MDGA1: variants seen among roughly 807,000 people sequenced by gnomAD.
The protein encoded by MDGA1 is MAM domain containing glycosylphosphatidylinositol anchor 1.
MDGA1 carries 54 observed loss-of-function variants against 101.5 expected under a neutral mutation model. The observed-to-expected ratio is 0.53, with a 90% CI of 0.43 to 0.67. The LOEUF (loss-of-function observed/expected upper bound fraction) is 0.67. MDGA1 is among the 30% of genes least tolerant of loss of function. The probability of loss-of-function intolerance (pLI) is 0.00; values close to 1 mark genes in which losing one functional copy is unlikely to be tolerated. For missense variants in MDGA1, 1,083 were observed against 1,323.8 expected (o/e 0.82, Z 2.82); for synonymous variants, 533 against 558.3 (o/e 0.95, Z 0.64).
chr6:37,635,414 T>C lies in MDGA1; in HGVS notation c.*1954A>G, dbSNP rs1404560588. 2.5e-6 allele frequency: 1 copy of C among 398,352 alleles called. No homozygotes were observed. The highest frequency in any genetic ancestry group is 4.4e-6 in the Non-Finnish European group (1 of 226,116). 24.7% of individuals were successfully genotyped at this position (398,352 alleles called of 1,614,324 possible). A position where few individuals can be genotyped will look rare whatever the true frequency, so the allele number is the denominator to read the frequency against. Reference sequence around the variant, plus strand: ...CACAGATGGGACAGTTAAGGAACAATACCCGACAGACGCGATGGAAGTGTA... The same window carrying C: ...CACAGATGGGACAGTTAAGGAACAACACCCGACAGACGCGATGGAAGTGTA... On this transcript the variant is annotated 3_prime_UTR_variant, in exon 17 of 17. Coordinates refer to ENST00000434837, the MANE Select transcript of MDGA1 (RefSeq NM_153487.4).
chr6:37,664,600 T>C (rs147686095), intron 1 of MDGA1, among the ~76,000 whole-genome samples: 19 of 118,198 alleles, frequency 1.6e-4, no homozygotes, highest in South Asian at 3.0e-4. Context: ...TCCCCCACAA[T>C]ACACACACAC....
chr6:37,684,951 A>T (rs1291799672), intron 1 of MDGA1, among the ~76,000 whole-genome samples: 2 of 152,122 alleles, frequency 1.3e-5, no homozygotes, highest in East Asian at 3.9e-4. Context: ...CCCCATCTCT[A>T]TCTGCCCAGT....
In MDGA1 at chr6:37,649,148, A is replaced by G. The variant is rs1761295938; in HGVS notation, c.1728T>C (p.Arg576=). The G allele has an allele frequency of 6.6e-7, 1 of 1,509,740 alleles. No homozygotes were observed. The highest frequency in any genetic ancestry group is 1.4e-5 in the African/African-American group (1 of 70,124). 93.5% of individuals were successfully genotyped at this position (1,509,740 alleles called of 1,614,324 possible). Residue 576 remains arginine (R), a synonymous_variant, in exon 9 of 17, where the codon CGT becomes CGC. Transcript: ENST00000434837. ...GCGGCGGCAGCAGCTGCCCTTTGAA[A>G]CGCCACACAGCCGAGGCGATGCGCT... ...SPQRIASAVW[R]FKGQLLPPPP... is the part of the protein sequence containing the mutation.
Position 37,696,762 on chromosome 6 carries a change from C to G in MDGA1, c.50G>C (p.Arg17Pro). The change falls in exon 1 of 17, where the codon CGG (arginine) becomes CCG (proline). Residue 17 changes from arginine to proline, a missense_variant. Physicochemically the swap from Arg to Pro is moderately radical, Grantham distance 103. Coordinates refer to ENST00000434837, the MANE Select transcript of MDGA1 (RefSeq NM_153487.4). The surrounding 1 kb of genome is among the most constrained non-coding windows in gnomAD (Gnocchi z 5.6). ...LLLALIPFHC[R>P]GQGVYAPAQA... is the part of the protein sequence containing the mutation. ...GCTCTTACCGTAGACTCCTTGTCCCCGGCAGTGGAAGGGGATCAGCGCCAG... is the reference window on the plus strand; with the variant it reads ...GCTCTTACCGTAGACTCCTTGTCCCGGGCAGTGGAAGGGGATCAGCGCCAG... 4 of 1,583,878 alleles carry G rather than the reference C, an allele frequency of 2.5e-6. No homozygotes were observed. Among genetic ancestry groups the G allele is most frequent in the Non-Finnish European group, 3.4e-6 (4 of 1,164,416 alleles).
rs527747815 is a variant in MDGA1 at position 37,630,988 on chromosome 6, A to G, written c.*6380T>C. On this transcript the variant is annotated 3_prime_UTR_variant, in exon 17 of 17. Transcript: ENST00000434837. ...AGGCATCTTCAACTCAGCATGTCACATTCTATTGCACAAACAAGGCACTAA... is the reference window on the plus strand; with the variant it reads ...AGGCATCTTCAACTCAGCATGTCACGTTCTATTGCACAAACAAGGCACTAA... The G allele has an allele frequency of 6.6e-6, 1 of 152,366 alleles. No homozygotes were observed. The highest frequency in any genetic ancestry group is 2.4e-5 in the African/African-American group (1 of 41,574). 9.4% of individuals were successfully genotyped at this position (152,366 alleles called of 1,614,324 possible).
intron 1 of MDGA1, among the ~76,000 whole-genome samples, chr6:37,693,087 G>A (rs1762347445): frequency 6.6e-6 from 1 of 152,230 alleles, no homozygotes; most frequent in African/African-American, 2.4e-5. Flanking sequence ...GACACAAAGT[G>A]CTCCCCCTCG....
chr6:37,632,884 C>G lies in MDGA1; in HGVS notation c.*4484G>C, dbSNP rs1316964373. The G allele has an allele frequency of 6.5e-6, 1 of 152,686 alleles. No individual in the cohort carries two copies. The highest frequency in any genetic ancestry group is 2.4e-5 in the African/African-American group (1 of 41,400). The allele number at this position is 152,686 out of a possible 1,614,324, so 9.5% of individuals were successfully genotyped here. A position where few individuals can be genotyped will look rare whatever the true frequency, so the allele number is the denominator to read the frequency against. ...GGGGATAAAGGCCTTGGTGAGCTGG[C>G]TACTCTAGGGCAGGAAGAATGCATG... is the stretch of plus-strand genomic sequence containing the variant. On this transcript the variant is annotated 3_prime_UTR_variant, in exon 17 of 17. Transcript: ENST00000434837.
At position 37,645,914 on chromosome 6, in the gene MDGA1, G is replaced by A; in HGVS notation, c.2248+19C>T. The A allele has an allele frequency of 6.2e-7, 1 of 1,613,906 alleles. No individual in the cohort carries two copies. Among genetic ancestry groups the A allele is most frequent in the Non-Finnish European group, 8.5e-7 (1 of 1,179,816 alleles). On this transcript the variant is annotated intron_variant, in intron 12 of 16. Transcript: ENST00000434837. ...TCCCTAAAGGGAAGGGGAAGTCATG[G>A]GTGACTGGGGAGTCTCACCTGAAAG...
At position 37,655,688 on chromosome 6, in the gene MDGA1, G is replaced by A. The variant is rs377413241; in HGVS notation, c.579+12C>T. ...AGAAGTGGTATGGGGCGAGCCAGCTGCCCATCCTGACCTGAGTGTAGAGGG... is the reference window on the plus strand; with the variant it reads ...AGAAGTGGTATGGGGCGAGCCAGCTACCCATCCTGACCTGAGTGTAGAGGG... On this transcript the variant is annotated intron_variant, in intron 4 of 16. Coordinates refer to ENST00000434837, the MANE Select transcript of MDGA1 (RefSeq NM_153487.4). This position sits in a 1 kb window ranked among gnomAD's most constrained non-coding sequence, Gnocchi z 5.1. The A allele has an allele frequency of 6.3e-7, 1 of 1,594,822 alleles. No homozygotes were observed. Among genetic ancestry groups the A allele is most frequent in the Non-Finnish European group, 8.6e-7 (1 of 1,169,508 alleles).
At chr6:37,677,100 CTTATTA>C (rs750562374) in intron 1 of MDGA1, among the ~76,000 whole-genome samples, 2 of 152,070 alleles carry the variant, frequency 1.3e-5, no homozygotes, top group African/African-American at 4.8e-5. Flanking sequence ...TAGAGCAGGA[CTTATTA>C]TTATTAGGTG....
intron 1 of MDGA1, among the ~76,000 whole-genome samples, chr6:37,671,323 G>A (rs907447960): frequency 4.6e-5 from 7 of 152,176 alleles, no homozygotes; most frequent in African/African-American, 9.7e-5. Flanking sequence ...CTTTCTAAAC[G>A]TATTGGCCAT....
rs1034913793 is a variant in MDGA1, at chr6:37,655,279, G to A, written c.580-347C>T. On this transcript the variant is annotated intron_variant, in intron 4 of 16. Coordinates refer to ENST00000434837, the MANE Select transcript of MDGA1 (RefSeq NM_153487.4). The surrounding 1 kb of genome is among the most constrained non-coding windows in gnomAD (Gnocchi z 5.1). ...AACATGGGGCTGGCCTGCAGCCACC[G>A]CTGAAAGCCCTCCTTGGCAGAATGG... The A allele has an allele frequency of 8.3e-6, 3 of 359,430 alleles. No homozygotes were observed. The highest frequency in any genetic ancestry group is 1.5e-5 in the Non-Finnish European group (3 of 197,608). The allele number at this position is 359,430 out of a possible 1,614,324, so 22.3% of individuals were successfully genotyped here. A position where few individuals can be genotyped will look rare whatever the true frequency, so the allele number is the denominator to read the frequency against.
At position 37,696,961 on chromosome 6, in the gene MDGA1, G is replaced by A. The variant is rs897235139; in HGVS notation, c.-150C>T. On this transcript the variant is annotated 5_prime_UTR_variant, in exon 1 of 17. Transcript: ENST00000434837. This position sits in a 1 kb window ranked among gnomAD's most constrained non-coding sequence, Gnocchi z 5.6. Reference sequence around the variant, plus strand: ...GCGACGAAGACCAGGAGACTGAAGAGGCGGAGGTGGCGGCGACCCGTGTTT... The same window carrying A: ...GCGACGAAGACCAGGAGACTGAAGAAGCGGAGGTGGCGGCGACCCGTGTTT... The A allele has an allele frequency of 1.6e-6, 1 of 641,340 alleles. No individual in the cohort carries two copies. Among genetic ancestry groups the A allele is most frequent in the Non-Finnish European group, 2.7e-6 (1 of 367,706 alleles). The allele number at this position is 641,340 out of a possible 1,614,324, so 39.7% of individuals were successfully genotyped here. A position where few individuals can be genotyped will look rare whatever the true frequency, so the allele number is the denominator to read the frequency against.
intron 1 of MDGA1, among the ~76,000 whole-genome samples, chr6:37,666,446 G>GT (rs1206763590): frequency 6.6e-6 from 1 of 152,100 alleles, no homozygotes; most frequent in East Asian, 1.9e-4. Context: ...GTTAACAGAG[G>GT]TAAGAAGATA....
intron 9 of MDGA1, chr6:37,648,472 T>C (rs2114014888): frequency 6.3e-6 from 1 of 158,774 alleles, no homozygotes; most frequent in East Asian, 1.9e-4. Flanking sequence ...GAAGCTGGGA[T>C]TGGACCGAGC....
At chr6:37,684,179 G>C (rs891478627) in intron 1 of MDGA1, among the ~76,000 whole-genome samples, 1 of 152,188 alleles carries the variant, frequency 6.6e-6, no homozygotes, top group Non-Finnish European at 1.5e-5. Context: ...GCTTCTGCCA[G>C]CTAGCTTGTT....
Position 37,637,104 on chromosome 6 carries a change from C to G in MDGA1, c.*264G>C. Reference sequence around the variant, plus strand: ...TGCAGTAAAGAAGGTGCTGGCAGGTCAGATAGAAACTTGTGCTTTAATATA... The same window carrying G: ...TGCAGTAAAGAAGGTGCTGGCAGGTGAGATAGAAACTTGTGCTTTAATATA... On this transcript the variant is annotated 3_prime_UTR_variant, in exon 17 of 17. Transcript: ENST00000434837. The G allele has an allele frequency of 2.6e-6, 1 of 382,246 alleles. No individual in the cohort carries two copies. The highest frequency in any genetic ancestry group is 4.7e-6 in the Non-Finnish European group (1 of 212,096). 23.7% of individuals were successfully genotyped at this position (382,246 alleles called of 1,614,324 possible).
chr6:37,676,132 A>T (rs1272590761), intron 1 of MDGA1, among the ~76,000 whole-genome samples: 1 of 152,230 alleles, frequency 6.6e-6, no homozygotes, highest in Non-Finnish European at 1.5e-5. Context: ...AACCAGACTC[A>T]TGAGTGTGTC....
intron 1 of MDGA1, among the ~76,000 whole-genome samples, chr6:37,692,423 T>C (rs1224124075): frequency 2.2e-5 from 1 of 46,098 alleles, no homozygotes; most frequent in Non-Finnish European, 4.7e-5. Context: ...GAGATGAAAG[T>C]GGGGAGGGGG....
Sources: gnomAD v4.1 joint callset for allele counts (sites outside exome capture counted in the v4.1 genomes callset) on GRCh38, gnomAD v4.1.1 for gene constraint, Gnocchi (gnomAD v3.1) non-coding constraint, MANE v1.5 for transcripts, NCBI Gene and HGNC (gene_info 2026-07-23, HGNC 2026-07-21) for gene names.